Variants in SMG6 observed in about 807,000 individuals in gnomAD.
The protein encoded by SMG6 is SMG6 nonsense mediated mRNA decay factor.
SMG6 carries 66 observed loss-of-function variants against 142.2 expected under a neutral mutation model. The ratio of observed to expected loss-of-function variants is 0.46; its 90% CI spans 0.38 to 0.57. SMG6 has a LOEUF of 0.57. Among genes scored for constraint, SMG6 ranks in the 20% least tolerant of loss-of-function variants. SMG6 has a pLI of 0.00. For missense variants in SMG6, 1,793 were observed against 1,832.0 expected, an observed-to-expected ratio of 0.98 and a Z score of 0.39; for synonymous variants, 779 against 702.4, an observed-to-expected ratio of 1.11 and a Z score of -1.72.
At chr17:2,097,708 T>A (rs1027476213) in intron 13 of SMG6, among the ~76,000 whole-genome samples, 1 of 152,094 alleles carries the variant, frequency 6.6e-6, no homozygotes, top group African/African-American at 2.4e-5. Flanking sequence ...AATTATGAGG[T>A]CTGCTGTGTT....
intron 10 of SMG6, among the ~76,000 whole-genome samples, chr17:2,223,466 C>T (rs2073234028): frequency 6.6e-6 from 1 of 152,152 alleles, no homozygotes; most frequent in Non-Finnish European, 1.5e-5. Flanking sequence ...GAAAAGGAAA[C>T]TGAGACATAC....
intron 10 of SMG6, among the ~76,000 whole-genome samples, chr17:2,208,434 G>C (rs1336384614): frequency 6.6e-6 from 1 of 152,182 alleles, no homozygotes; most frequent in Non-Finnish European, 1.5e-5. Flanking sequence ...AATTCACCAA[G>C]CTGCCCCACT....
chr17:2,091,211 A>C (rs1403874988), intron 13 of SMG6, among the ~76,000 whole-genome samples: 3 of 152,200 alleles, frequency 2.0e-5, no homozygotes, highest in African/African-American at 4.8e-5. Flanking sequence ...ACAAGAAATA[A>C]AAAATACCAC....
At chr17:2,126,532 C>T (rs1031523455) in intron 13 of SMG6, among the ~76,000 whole-genome samples, 2 of 151,680 alleles carry the variant, frequency 1.3e-5, no homozygotes, top group African/African-American at 4.8e-5. Flanking sequence ...TGAGACCAGA[C>T]TGGCCAACAT....
intron 15 of SMG6, 152 bp downstream of exon 15, chr17:2,081,658 G>A: frequency 2.2e-6 from 2 of 911,850 alleles, no homozygotes; most frequent in South Asian, 3.3e-5. Context: ...CCAGAATTTA[G>A]TGGTAGAGTG....
chr17:2,287,534 C>T (rs1262591842), intron 6 of SMG6, among the ~76,000 whole-genome samples: 2 of 151,932 alleles, frequency 1.3e-5, no homozygotes, highest in East Asian at 1.9e-4. Flanking sequence ...TCTAGTAATT[C>T]GTTTTCTGGG....
intron 10 of SMG6, among the ~76,000 whole-genome samples, chr17:2,194,087 G>A (rs1211217204): frequency 3.9e-5 from 6 of 152,152 alleles, no homozygotes; most frequent in Non-Finnish European, 5.9e-5. Flanking sequence ...CACCATGCTC[G>A]GCCAGAAGAG....
intron 13 of SMG6, among the ~76,000 whole-genome samples, chr17:2,106,177 C>G (rs76280258): frequency 6.6e-6 from 1 of 152,132 alleles, no homozygotes; most frequent in South Asian, 2.1e-4. Context: ...TCAGGGAGAC[C>G]TTCTCTGCCA....
At chr17:2,145,597 C>T (rs1391055262) in intron 13 of SMG6, among the ~76,000 whole-genome samples, 5 of 137,484 alleles carry the variant, frequency 3.6e-5, no homozygotes, top group Admixed American at 7.7e-5. Context: ...GCCGAGATCG[C>T]GCCACTGCAC....
chr17:2,094,514 C>T (rs1325627555), intron 13 of SMG6, among the ~76,000 whole-genome samples: 4 of 152,046 alleles, frequency 2.6e-5, no homozygotes, highest in African/African-American at 2.4e-5. Flanking sequence ...GCTGGGATTA[C>T]AGGCGTGAGC....
rs751983790 is a variant in SMG6, at chr17:2,299,636, T to C, written c.1117A>G (p.Met373Val). ...CCTTTGTCAGGCTTTCCTCTATCCA[T>C]ATCATCCCTGGCTGACCTCACCATG... ...SPMVRSARDDMDRGKPDKGLS... is the reference protein window; with the variant it reads ...SPMVRSARDDVDRGKPDKGLS... The change falls in exon 2 of 19, where the codon ATG (methionine) becomes GTG (valine). Residue 373 changes from methionine (M) to valine (V), a missense_variant. Coordinates refer to ENST00000263073, the MANE Select transcript of SMG6 (RefSeq NM_017575.5). This position sits in a 1 kb window ranked among gnomAD's most constrained non-coding sequence, Gnocchi z 4.3. The C allele has an allele frequency of 1.1e-5, 17 of 1,614,216 alleles. No homozygotes were observed. The highest frequency in any genetic ancestry group is 1.4e-5 in the Non-Finnish European group (17 of 1,180,032).
intron 1 of SMG6, among the ~76,000 whole-genome samples, chr17:2,301,555 A>G (rs1053091909): frequency 2.6e-5 from 4 of 151,854 alleles, no homozygotes; most frequent in African/African-American, 9.7e-5. Context: ...TTTAGAAACC[A>G]CTCTCGGCCG....
intron 18 of SMG6, among the ~76,000 whole-genome samples, chr17:2,063,499 A>G (rs1020207505): frequency 1.3e-5 from 2 of 152,138 alleles, no homozygotes; most frequent in Non-Finnish European, 2.9e-5. Context: ...TTTGGGGTGA[A>G]GTCGGGGGTG....
At chr17:2,261,952 G>A (rs1381635504) in intron 8 of SMG6, among the ~76,000 whole-genome samples, 1 of 152,188 alleles carries the variant, frequency 6.6e-6, no homozygotes. Context: ...TTCCTCAGAA[G>A]AGAATGTCAA....
At chr17:2,222,426 C>A (rs945772027) in intron 10 of SMG6, among the ~76,000 whole-genome samples, 4 of 151,318 alleles carry the variant, frequency 2.6e-5, no homozygotes, top group Admixed American at 6.6e-5. Context: ...ATGCGAAGGG[C>A]CAAAGGTGGG....
chr17:2,076,242 C>A (rs767084733), intron 15 of SMG6, among the ~76,000 whole-genome samples: 4 of 152,074 alleles, frequency 2.6e-5, no homozygotes, highest in Admixed American at 6.6e-5. Context: ...CGGTTAACAC[C>A]CTGGAGACTG....
At chr17:2,219,357 C>T (rs192694583) in intron 10 of SMG6, among the ~76,000 whole-genome samples, 1 of 152,240 alleles carries the variant, frequency 6.6e-6, no homozygotes, top group East Asian at 1.9e-4. Flanking sequence ...CACACTCCAG[C>T]CTGGGCGGCA....
At chr17:2,145,999 A>T (rs758708458) in intron 13 of SMG6, among the ~76,000 whole-genome samples, 16 of 152,190 alleles carry the variant, frequency 1.1e-4, no homozygotes, top group Non-Finnish European at 2.1e-4. Context: ...TAAAATAAGT[A>T]AAATCTTAAG....
chr17:2,275,855 G>A (rs1322620631), intron 8 of SMG6, among the ~76,000 whole-genome samples: 2 of 152,104 alleles, frequency 1.3e-5, no homozygotes, highest in African/African-American at 4.8e-5. Context: ...CAGGCTGGAT[G>A]TTCAACCCAA....
Sources: allele counts gnomAD v4.1 joint callset (sites outside exome capture counted in the v4.1 genomes callset), GRCh38; gene constraint gnomAD v4.1.1; non-coding constraint Gnocchi (gnomAD v3.1); transcripts MANE v1.5; gene names NCBI Gene and HGNC (gene_info 2026-07-23, HGNC 2026-07-21).